Variants in LPP observed in about 807,000 individuals in gnomAD.
The protein encoded by LPP is LIM domain containing preferred translocation partner in lipoma, also known as lipoma-preferred partner.
LPP carries 38 observed loss-of-function variants against 60.4 expected under a neutral mutation model. The observed-to-expected ratio is 0.63, with a 90% confidence interval of 0.49 to 0.83. The LOEUF (loss-of-function observed/expected upper bound fraction) is 0.83. LPP is among the 40% of genes least tolerant of loss of function. The pLI is 0.00. For synonymous variants in LPP, 328 were observed against 290.8 expected (o/e 1.13, Z -1.30); for missense variants, 902 against 783.6 (o/e 1.15, Z -1.80).
intron 4 of LPP, among the ~76,000 whole-genome samples, chr3:188,481,355 G>T (rs1032778472): frequency 6.6e-6 from 1 of 152,194 alleles, no homozygotes; most frequent in Non-Finnish European, 1.5e-5. Context: ...ACTTTGGTCT[G>T]ACTTAATAAT....
intron 2 of LPP, among the ~76,000 whole-genome samples, chr3:188,303,598 G>T (rs548740085): frequency 5.3e-5 from 8 of 152,152 alleles, no homozygotes; most frequent in Non-Finnish European, 1.0e-4. Flanking sequence ...TGAAGAATAG[G>T]TAAGTATATG....
intron 6 of LPP, among the ~76,000 whole-genome samples, chr3:188,556,987 A>G (rs1203571254): frequency 2.6e-5 from 4 of 152,014 alleles, no homozygotes; most frequent in African/African-American, 9.7e-5. Context: ...GACCCTCTGT[A>G]ATTTTCTCAC....
intron 3 of LPP, among the ~76,000 whole-genome samples, chr3:188,362,056 G>T (rs536887348): frequency 6.6e-6 from 1 of 152,296 alleles, no homozygotes; most frequent in East Asian, 1.9e-4. Flanking sequence ...GTGCGACAAA[G>T]GAGAGGTACA....
At chr3:188,428,598 T>TA (rs200366995) in intron 4 of LPP, among the ~76,000 whole-genome samples, 2,640 of 86,972 alleles carry the variant, frequency 0.03, 62 homozygotes, top group African/African-American at 0.082. Flanking sequence ...ATATATATAT[T>TA]TTTTTTTTTT....
At chr3:188,823,805 A>G (rs913523288) in intron 9 of LPP, among the ~76,000 whole-genome samples, 2 of 152,124 alleles carry the variant, frequency 1.3e-5, no homozygotes, top group Non-Finnish European at 2.9e-5. Context: ...TTTAAAGTGT[A>G]TACGTTTCTT....
chr3:188,294,339 AATTAT>A (rs1273005387), intron 2 of LPP, among the ~76,000 whole-genome samples: 1 of 152,208 alleles, frequency 6.6e-6, no homozygotes, highest in Non-Finnish European at 1.5e-5. Context: ...ATTGTATGTA[AATTAT>A]ATCTCAATAA....
At chr3:188,385,341 G>T (rs1216787980) in intron 3 of LPP, among the ~76,000 whole-genome samples, 5 of 152,128 alleles carry the variant, frequency 3.3e-5, no homozygotes, top group Non-Finnish European at 7.3e-5. Context: ...GATTGAGTAA[G>T]CGTGTGGGGG....
intron 6 of LPP, among the ~76,000 whole-genome samples, chr3:188,560,610 A>C (rs1231583212): frequency 6.6e-6 from 1 of 152,110 alleles, no homozygotes; most frequent in Admixed American, 6.6e-5. Flanking sequence ...AGAGATACAT[A>C]GATTGTTCAG....
intron 9 of LPP, among the ~76,000 whole-genome samples, chr3:188,779,893 T>C (rs1739089322): frequency 1.3e-5 from 2 of 152,148 alleles, no homozygotes; most frequent in African/African-American, 2.4e-5. Context: ...AACTTCTAGT[T>C]CCTTCATCCA....
At chr3:188,163,551 G>A (rs766671098) in intron 1 of LPP, among the ~76,000 whole-genome samples, 14 of 152,110 alleles carry the variant, frequency 9.2e-5, no homozygotes, top group Non-Finnish European at 2.1e-4. Flanking sequence ...AATATTGAGT[G>A]AGGTAGTGTA....
chr3:188,429,882 C>G (rs1165153757), intron 4 of LPP, among the ~76,000 whole-genome samples: 1 of 152,078 alleles, frequency 6.6e-6, no homozygotes, highest in Non-Finnish European at 1.5e-5. Flanking sequence ...GTGCAATTGC[C>G]AGGAAGCACC....
chr3:188,312,156 AAC>A (rs34771448), intron 2 of LPP, among the ~76,000 whole-genome samples: 12,142 of 151,964 alleles, frequency 0.08, 1,408 homozygotes, highest in African/African-American at 0.25. Context: ...CACACACAGA[AAC>A]ACACACACAA....
intron 7 of LPP, among the ~76,000 whole-genome samples, chr3:188,702,357 G>A (rs774440854): frequency 1.4e-5 from 2 of 137,974 alleles, no homozygotes; most frequent in African/African-American, 5.5e-5. Flanking sequence ...TTTTTTTTCC[G>A]GCTGTTGTAC....
intron 9 of LPP, among the ~76,000 whole-genome samples, chr3:188,831,791 C>T (rs1226234330): frequency 2.6e-5 from 4 of 152,226 alleles, no homozygotes; most frequent in African/African-American, 9.6e-5. Flanking sequence ...AGCTCTCTCT[C>T]CCTACATGTA....
At chr3:188,857,306 A>G (rs1764084638) in intron 9 of LPP, among the ~76,000 whole-genome samples, 1 of 152,242 alleles carries the variant, frequency 6.6e-6, no homozygotes, top group South Asian at 2.1e-4. Flanking sequence ...AATTGCCTTT[A>G]TACAGAATAA....
intron 2 of LPP, among the ~76,000 whole-genome samples, chr3:188,326,145 C>T (rs57074644): frequency 0.018 from 2,807 of 152,284 alleles, 94 homozygotes; most frequent in African/African-American, 0.064. Context: ...TTGATGATAA[C>T]GAGTCTTTCT....
At chr3:188,657,198 G>A (rs1004867862) in intron 7 of LPP, among the ~76,000 whole-genome samples, 19 of 136,896 alleles carry the variant, frequency 1.4e-4, no homozygotes, top group African/African-American at 3.5e-4. Flanking sequence ...CTTTCCCCTC[G>A]AGCATGCACA....
intron 8 of LPP, among the ~76,000 whole-genome samples, chr3:188,731,335 G>A (rs1382500848): frequency 6.6e-6 from 1 of 152,058 alleles, no homozygotes; most frequent in Non-Finnish European, 1.5e-5. Context: ...TTTCCACTGT[G>A]GGAAAGATCA....
At chr3:188,193,131 A>G (rs1418556278) in intron 1 of LPP, among the ~76,000 whole-genome samples, 1 of 152,202 alleles carries the variant, frequency 6.6e-6, no homozygotes, top group Non-Finnish European at 1.5e-5. Context: ...GGCCTGTCCT[A>G]TAACTTGACT....
Sources: allele counts gnomAD v4.1 joint callset (sites outside exome capture counted in the v4.1 genomes callset), GRCh38; gene constraint gnomAD v4.1.1; transcripts MANE v1.5; gene names NCBI Gene and HGNC (gene_info 2026-07-23, HGNC 2026-07-21).